Variants in ANXA7 observed in about 807,000 individuals in gnomAD.
ANXA7 encodes annexin A7.
Under a neutral mutation model 64.9 loss-of-function variants are expected in ANXA7, and 55 were observed. The ratio of observed to expected loss-of-function variants is 0.85; its 90% CI spans 0.68 to 1.06. The LOEUF (loss-of-function observed/expected upper bound fraction) is 1.06, where lower values mean the gene tolerates loss of function less well. ANXA7 is among the 50% of genes least tolerant of loss of function. The probability of loss-of-function intolerance (pLI) is 0.00; values close to 1 mark genes in which losing one functional copy is unlikely to be tolerated. For missense variants in ANXA7, 548 were observed against 582.1 expected (o/e 0.94, Z 0.60); for synonymous variants, 200 against 192.4 (o/e 1.04, Z -0.33).
chr10:73,389,800 C>T (rs2055438961), intron 5 of ANXA7, among the ~76,000 whole-genome samples: 1 of 152,092 alleles, frequency 6.6e-6, no homozygotes, highest in East Asian at 1.9e-4. Context: ...TAATTTCTTA[C>T]TTTTGTAGAG....
At chr10:73,387,835 C>T in intron 6 of ANXA7, 52 bp from the exon 7 acceptor site, 1 of 968,126 alleles carries the variant, frequency 1.0e-6, no homozygotes, top group Non-Finnish European at 1.6e-6. Context: ...CTAGGTGCTG[C>T]TTGAGGTCAT....
chr10:73,402,820 ACT>A (rs2055688807), intron 1 of ANXA7, among the ~76,000 whole-genome samples: 2 of 145,044 alleles, frequency 1.4e-5, no homozygotes, highest in Non-Finnish European at 3.0e-5. Context: ...TTACATAAAA[ACT>A]CTGTTTCTTT....
chr10:73,399,469 T>C (rs2055625340), intron 2 of ANXA7, among the ~76,000 whole-genome samples: 1 of 152,200 alleles, frequency 6.6e-6, no homozygotes. Context: ...CATAAACTTG[T>C]ATAGACCCCT....
At chr10:73,402,083 C>T (rs944673645) in intron 1 of ANXA7, among the ~76,000 whole-genome samples, 1 of 152,146 alleles carries the variant, frequency 6.6e-6, no homozygotes, top group Non-Finnish European at 1.5e-5. Flanking sequence ...CCACAGAAAT[C>T]CCCTCATATG....
At chr10:73,397,485 T>C (rs1192986902) in intron 3 of ANXA7, among the ~76,000 whole-genome samples, 1 of 152,200 alleles carries the variant, frequency 6.6e-6, no homozygotes, top group Non-Finnish European at 1.5e-5. Flanking sequence ...TTTGAGACAG[T>C]CTCACTCTGT....
chr10:73,396,224 G>A, intron 5 of ANXA7: 3 of 708,378 alleles, frequency 4.2e-6, no homozygotes, highest in Non-Finnish European at 4.9e-6. Context: ...TGTAACTGCT[G>A]GTAAGGGCAA....
Position 73,376,048 on chromosome 10 carries a change from A to T in ANXA7, c.*47T>A. On this transcript the variant is annotated 3_prime_UTR_variant, in exon 13 of 13. Coordinates refer to ENST00000372921, the MANE Select transcript of ANXA7 (RefSeq NM_001156.5). Reference sequence around the variant, plus strand: ...CATGCAGGTCATTGCTCTGAAGGATAAGCTATGAATAGAAATTTTTTTTCA... The same window carrying T: ...CATGCAGGTCATTGCTCTGAAGGATTAGCTATGAATAGAAATTTTTTTTCA... The T allele has an allele frequency of 6.8e-7, 1 of 1,462,112 alleles. No homozygotes were observed. Among genetic ancestry groups the T allele is most frequent in the Non-Finnish European group, 9.1e-7 (1 of 1,100,834 alleles). The allele number at this position is 1,462,112 out of a possible 1,614,324, so 90.6% of individuals were successfully genotyped here. A position where few individuals can be genotyped will look rare whatever the true frequency, so the allele number is the denominator to read the frequency against.
At chr10:73,388,758 C>T (rs939070383) in intron 5 of ANXA7, among the ~76,000 whole-genome samples, 8 of 151,992 alleles carry the variant, frequency 5.3e-5, no homozygotes, top group Admixed American at 1.3e-4. Flanking sequence ...GTGAGATGAG[C>T]GACAATGTTT....
At chr10:73,393,090 C>T (rs1168021479) in intron 5 of ANXA7, among the ~76,000 whole-genome samples, 2 of 152,270 alleles carry the variant, frequency 1.3e-5, no homozygotes, top group Non-Finnish European at 1.5e-5. Context: ...CATGAGTGAA[C>T]TCCCACTCAC....
At chr10:73,385,318 G>A (rs181924210) in intron 7 of ANXA7, among the ~76,000 whole-genome samples, 9 of 152,320 alleles carry the variant, frequency 5.9e-5, no homozygotes, top group Admixed American at 4.6e-4. Flanking sequence ...ATGGATGATG[G>A]TGACAAAGAA....
At chr10:73,378,800 G>A in intron 12 of ANXA7, 111 bp downstream of exon 12, 1 of 762,854 alleles carries the variant, frequency 1.3e-6, no homozygotes, top group Non-Finnish European at 2.2e-6. Flanking sequence ...AGGTGGCAAA[G>A]AGAGCTCTTT....
At chr10:73,387,836 T>C (rs2132664996) in intron 6 of ANXA7, 53 bp from the exon 7 acceptor site, 2 of 1,254,846 alleles carry the variant, frequency 1.6e-6, no homozygotes, top group Non-Finnish European at 2.3e-6. Context: ...TAGGTGCTGC[T>C]TGAGGTCATC....
chr10:73,403,117 C>G (rs532477722), intron 1 of ANXA7, among the ~76,000 whole-genome samples: 2 of 152,352 alleles, frequency 1.3e-5, no homozygotes, highest in African/African-American at 4.8e-5. Context: ...GCCACTGCTC[C>G]CGGCACATAC....
rs908074544 is a variant in ANXA7 at position 73,395,795 on chromosome 10, A to T, written c.435+724T>A. ...CAGTGAAACTCCATCTCAAAAAAAA[A>T]AAAAAAGAAGCCATACGGAGTAGGG... On this transcript the variant is annotated intron_variant, in intron 5 of 12. Transcript: ENST00000372921. The T allele has an allele frequency of 9.3e-6, 5 of 539,202 alleles. 1 individual carries two copies. Among genetic ancestry groups the T allele is most frequent in the African/African-American group, 5.8e-5 (3 of 51,496 alleles). 33.4% of individuals were successfully genotyped at this position (539,202 alleles called of 1,614,324 possible).
chr10:73,408,874 T>C (rs745613311), intron 1 of ANXA7, among the ~76,000 whole-genome samples: 8 of 152,152 alleles, frequency 5.3e-5, no homozygotes, highest in Non-Finnish European at 8.8e-5. Flanking sequence ...ATTTAACATA[T>C]GCAAGTCAAT....
intron 5 of ANXA7, among the ~76,000 whole-genome samples, chr10:73,395,510 G>A (rs1340591878): frequency 4.6e-5 from 7 of 152,196 alleles, no homozygotes; most frequent in Admixed American, 2.0e-4. Flanking sequence ...CAGGCCGTGC[G>A]TGGTGGCTCA....
chr10:73,386,128 C>A (rs769930563), intron 7 of ANXA7, among the ~76,000 whole-genome samples: 1 of 151,130 alleles, frequency 6.6e-6, no homozygotes, highest in Non-Finnish European at 1.5e-5. Flanking sequence ...GCACGAAAAT[C>A]GCTCTTGCCT....
At chr10:73,399,808 G>A (rs890412304) in intron 2 of ANXA7, among the ~76,000 whole-genome samples, 40 of 150,966 alleles carry the variant, frequency 2.6e-4, no homozygotes, top group Admixed American at 2.2e-3. Flanking sequence ...GTGACAGAGC[G>A]AGACTCCATC....
At position 73,397,215 on chromosome 10, in the gene ANXA7, G is replaced by C. The variant is rs777879119; in HGVS notation, c.319C>G (p.Gln107Glu). ...PGGAGFSGYP[Q>E]PPSQSYGGGP... The stretch of plus-strand genomic sequence containing the variant: ...CCTCCATAAGACTGTGAAGGTGGCT[G>C]TGGATACCCAGAAAAGCCTGCTCCA... Residue 107 changes from glutamine (Q) to glutamate (E), a missense_variant, in exon 4 of 13, where the codon CAG becomes GAG. Gln to Glu is a conservative substitution (Grantham distance 29, BLOSUM62 2). Coordinates refer to ENST00000372921, the MANE Select transcript of ANXA7 (RefSeq NM_001156.5). The C allele has an allele frequency of 3.4e-5, 55 of 1,612,640 alleles. No homozygotes were observed. The highest frequency in any genetic ancestry group is 4.5e-5 in the Non-Finnish European group (53 of 1,179,142).
Sources: allele counts gnomAD v4.1 joint callset (sites outside exome capture counted in the v4.1 genomes callset), GRCh38; gene constraint gnomAD v4.1.1; transcripts MANE v1.5; gene names NCBI Gene and HGNC (gene_info 2026-07-23, HGNC 2026-07-21).